STAT3: variants seen among roughly 807,000 people sequenced by gnomAD.
The protein encoded by STAT3 is DNA-binding protein APRF.
Under a neutral mutation model 114.3 loss-of-function variants are expected in STAT3, and 7 were observed. The observed-to-expected ratio is 0.06, with a 90% CI of 0.03 to 0.11. The LOEUF (loss-of-function observed/expected upper bound fraction) is 0.11, where lower values mean the gene tolerates loss of function less well. Among genes scored for constraint, STAT3 ranks in the 10% least tolerant of loss-of-function variants. STAT3 has a pLI of 1.00. For missense variants in STAT3, 364 were observed against 960.9 expected (o/e 0.38, Z 8.21); for synonymous variants, 331 against 354.5 (o/e 0.93, Z 0.74).
chr17:42,340,662 C>T (rs530270481), intron 4 of STAT3, among the ~76,000 whole-genome samples: 97 of 152,192 alleles, frequency 6.4e-4, no homozygotes, highest in African/African-American at 2.3e-3. Flanking sequence ...TCTTCCTTTC[C>T]CATGGTCCCT....
At chr17:42,340,420 A>C (rs1039911710) in intron 4 of STAT3, among the ~76,000 whole-genome samples, 10 of 151,592 alleles carry the variant, frequency 6.6e-5, no homozygotes, top group Non-Finnish European at 1.5e-4. Flanking sequence ...TAATCCTAGC[A>C]CTTTGGGAAA....
At chr17:42,344,042 T>C (rs1000942060) in intron 4 of STAT3, among the ~76,000 whole-genome samples, 4 of 152,234 alleles carry the variant, frequency 2.6e-5, no homozygotes, top group Admixed American at 1.3e-4. Context: ...TCCTTATCTT[T>C]TGCTGTTTTT....
In STAT3 at chr17:42,345,668, G is replaced by A. The variant is rs369440608; in HGVS notation, c.274-11C>T. The stretch of plus-strand genomic sequence containing the variant: ...CTCAAGATACCTGCTCTATAAGTAG[G>A]AGAGAAAGAGAATAAAAATCAGCAG... On this transcript the variant is annotated splice_polypyrimidine_tract_variant and intron_variant, in intron 3 of 23. Coordinates refer to ENST00000264657, the MANE Select transcript of STAT3 (RefSeq NM_139276.3). The A allele has an allele frequency of 1.2e-4, 192 of 1,587,526 alleles. No homozygotes were observed. The highest frequency in any genetic ancestry group is 3.4e-4 in the Middle Eastern group (2 of 5,860).
rs1156738867 is a variant in STAT3 at position 42,388,336 on chromosome 17, C to T, written c.-81G>A. On this transcript the variant is annotated 5_prime_UTR_variant, in exon 1 of 24. Coordinates refer to ENST00000264657, the MANE Select transcript of STAT3 (RefSeq NM_139276.3). Reference sequence around the variant, plus strand: ...CTGCGCGTGTGCCGGGGACGGGCGGCGAGGCTCCCTCAGGCCGAAGGGCCT... The same window carrying T: ...CTGCGCGTGTGCCGGGGACGGGCGGTGAGGCTCCCTCAGGCCGAAGGGCCT... 4.1e-6 allele frequency: 5 copies of T among 1,232,024 alleles called. No individual in the cohort carries two copies. Among genetic ancestry groups the T allele is most frequent in the East Asian group, 3.2e-5 (1 of 31,696 alleles). 76.3% of individuals were successfully genotyped at this position (1,232,024 alleles called of 1,614,324 possible). A position where few individuals can be genotyped will look rare whatever the true frequency, so the allele number is the denominator to read the frequency against.
intron 1 of STAT3, among the ~76,000 whole-genome samples, chr17:42,360,436 G>A (rs970870005): frequency 6.6e-6 from 1 of 151,836 alleles, no homozygotes; most frequent in African/African-American, 2.4e-5. Flanking sequence ...CCTGAGGTCG[G>A]GAGTTCGAGA....
chr17:42,357,961 G>A (rs2083307361), intron 1 of STAT3, among the ~76,000 whole-genome samples: 1 of 152,090 alleles, frequency 6.6e-6, no homozygotes, highest in African/African-American at 2.4e-5. Flanking sequence ...TGCCCAATCT[G>A]AAACAAATTA....
Position 42,324,592 on chromosome 17 carries a change from C to T in STAT3, c.1600+119G>A, listed in dbSNP as rs1479804609. The T allele has an allele frequency of 2.8e-6, 4 of 1,424,184 alleles. No homozygotes were observed. Among genetic ancestry groups the T allele is most frequent in the African/African-American group, 2.9e-5 (2 of 67,854 alleles). 88.2% of individuals were successfully genotyped at this position (1,424,184 alleles called of 1,614,324 possible). ...CTGTTTCCTGGCACCAGCACAGCGC[C>T]TTGCTCAGGAAAGAAACATGGCCTA... On this transcript the variant is annotated intron_variant, in intron 17 of 23. Coordinates refer to ENST00000264657, the MANE Select transcript of STAT3 (RefSeq NM_139276.3). This position sits in a 1 kb window ranked among gnomAD's most constrained non-coding sequence, Gnocchi z 4.5.
At chr17:42,358,910 C>A (rs983963089) in intron 1 of STAT3, among the ~76,000 whole-genome samples, 3 of 142,464 alleles carry the variant, frequency 2.1e-5, no homozygotes, top group Non-Finnish European at 3.1e-5. Flanking sequence ...CCCCCAGGGT[C>A]TCCCTTTCAT....
intron 1 of STAT3, among the ~76,000 whole-genome samples, chr17:42,362,466 A>T (rs2083560608): frequency 6.6e-6 from 1 of 152,158 alleles, no homozygotes; most frequent in African/African-American, 2.4e-5. Flanking sequence ...CCTTTTCAAG[A>T]CACAAACTTG....
intron 22 of STAT3, 79 bp downstream of exon 22, chr17:42,317,103 C>G: frequency 1.2e-6 from 2 of 1,604,752 alleles, no homozygotes; most frequent in South Asian, 2.2e-5. Context: ...GGCAGATTAA[C>G]TCTCACCCAG....
At chr17:42,315,981 G>A (rs17882369) in intron 23 of STAT3, 181 bp from the exon 24 acceptor site, 89 of 1,474,764 alleles carry the variant, frequency 6.0e-5, no homozygotes, top group Non-Finnish European at 7.4e-5. Flanking sequence ...ACCCTGCCTC[G>A]GGAAGGGTCC....
At chr17:42,317,335 A>G in intron 21 of STAT3, 111 bp from the exon 22 acceptor site, 1 of 1,264,548 alleles carries the variant, frequency 7.9e-7, no homozygotes, top group East Asian at 2.4e-5. Flanking sequence ...ACTCATCCTC[A>G]TGCCAAGATT....
At chr17:42,368,226 A>G (rs2083910567) in intron 1 of STAT3, among the ~76,000 whole-genome samples, 1 of 152,156 alleles carries the variant, frequency 6.6e-6, no homozygotes, top group South Asian at 2.1e-4. Context: ...AATAAACAAA[A>G]GGCATTTCCT....
intron 2 of STAT3, 75 bp downstream of exon 2, chr17:42,348,314 A>G (rs1415519026): frequency 8.2e-6 from 13 of 1,581,444 alleles, no homozygotes; most frequent in Admixed American, 1.7e-5. Context: ...ACAGCAAGGC[A>G]TGACATTAAG....
rs1315933575 is a variant in STAT3, at chr17:42,324,234, G to A, written c.1600+477C>T. On this transcript the variant is annotated intron_variant, in intron 17 of 23. Transcript: ENST00000264657. This position sits in a 1 kb window ranked among gnomAD's most constrained non-coding sequence, Gnocchi z 4.5. The stretch of plus-strand genomic sequence containing the variant: ...CTCGGGAGGCCGAGGCAGAAGAATC[G>A]CTTGAACCCAGAAGGCGGAGGTTGC... Among the ~76,000 whole-genome samples, 8 of 152,052 alleles carry A rather than the reference G, an allele frequency of 5.3e-5. No homozygotes were observed. Among genetic ancestry groups the A allele is most frequent in the Non-Finnish European group, 5.9e-5 (4 of 67,986 alleles).
At chr17:42,351,283 T>C (rs1368784180) in intron 1 of STAT3, among the ~76,000 whole-genome samples, 1 of 152,138 alleles carries the variant, frequency 6.6e-6, no homozygotes, top group Non-Finnish European at 1.5e-5. Flanking sequence ...AGGCACTCTG[T>C]CACCCAGGCT....
At position 42,313,414 on chromosome 17, in the gene STAT3, C is replaced by T. The variant is rs555195129; in HGVS notation, c.*2331G>A. 52 of 186,080 alleles carry T rather than the reference C, an allele frequency of 2.8e-4. No individual in the cohort carries two copies. The highest frequency in any genetic ancestry group is 4.6e-4 in the Non-Finnish European group (41 of 89,848). The allele number at this position is 186,080 out of a possible 1,614,324, so 11.5% of individuals were successfully genotyped here. ...AAAAAAAAAAAAAGACAAAAAACCT[C>T]ACAATAATATAAATTTTTACACTAT... On this transcript the variant is annotated 3_prime_UTR_variant, in exon 24 of 24. Coordinates refer to ENST00000264657, the MANE Select transcript of STAT3 (RefSeq NM_139276.3).
rs973225676 is a variant in STAT3, at chr17:42,345,619, A to G, written c.312T>C (p.Ile104=). ...YLEKPMEIAR[I]VARCLWEESR... is the part of the protein sequence containing the mutation. ...ATTCTTCCCACAGGCACCGGGCCAC[A>G]ATCCGGGCAATCTCCATTGGCTTCT... Residue 104 remains isoleucine, a synonymous_variant, in exon 4 of 24, where the codon ATT becomes ATC. Coordinates refer to ENST00000264657, the MANE Select transcript of STAT3 (RefSeq NM_139276.3). 1.9e-6 allele frequency: 3 copies of G among 1,608,510 alleles called. No individual in the cohort carries two copies. Among genetic ancestry groups the G allele is most frequent in the Non-Finnish European group, 1.7e-6 (2 of 1,176,786 alleles).
chr17:42,319,970 A>C lies in STAT3; in HGVS notation c.2101+2312T>G, dbSNP rs560373646. Among the ~76,000 whole-genome samples, 9 of 152,322 alleles carry C rather than the reference A, an allele frequency of 5.9e-5. No homozygotes were observed. In the East Asian group the frequency reaches 1.7e-3, roughly 29 times the overall value. Reference sequence around the variant, plus strand: ...TGAGGAAACGCTGACATCGCTGGGCAGGAAAGGACCTGGCCTCCCAGCCCA... The same window carrying C: ...TGAGGAAACGCTGACATCGCTGGGCCGGAAAGGACCTGGCCTCCCAGCCCA... On this transcript the variant is annotated intron_variant, in intron 21 of 23. Coordinates refer to ENST00000264657, the MANE Select transcript of STAT3 (RefSeq NM_139276.3).
Sources: allele counts gnomAD v4.1 joint callset (sites outside exome capture counted in the v4.1 genomes callset), GRCh38; gene constraint gnomAD v4.1.1; non-coding constraint Gnocchi (gnomAD v3.1); transcripts MANE v1.5; gene names NCBI Gene and HGNC (gene_info 2026-07-23, HGNC 2026-07-21).